SLC28A2: variants seen among roughly 807,000 people sequenced by gnomAD.
SLC28A2 encodes the protein solute carrier family 28 member 2.
SLC28A2 carries 69 observed loss-of-function variants against 72.9 expected under a neutral mutation model. That is an observed-to-expected ratio of 0.95 (90% confidence interval 0.78 to 1.16). The LOEUF (loss-of-function observed/expected upper bound fraction) is 1.16. Among genes scored for constraint, SLC28A2 ranks in the 50% most tolerant of loss-of-function variants. The pLI is 0.00. For synonymous variants in SLC28A2, 296 were observed against 294.1 expected, an observed-to-expected ratio of 1.01 and a Z score of -0.07; for missense variants, 745 against 791.1, an observed-to-expected ratio of 0.94 and a Z score of 0.70.
At chr15:45,265,508 A>C in intron 8 of SLC28A2, 75 bp from the exon 9 acceptor site, 4 of 1,024,564 alleles carry the variant, frequency 3.9e-6, no homozygotes, top group South Asian at 1.3e-5. Flanking sequence ...TGGAATGCTA[A>C]GAGCTTAACT....
chr15:45,256,822 T>G (rs1899993168), intron 3 of SLC28A2, among the ~76,000 whole-genome samples: 1 of 152,184 alleles, frequency 6.6e-6, no homozygotes, highest in Admixed American at 6.5e-5. Context: ...CCCCACCTCC[T>G]GCCAATCTAT....
intron 10 of SLC28A2, among the ~76,000 whole-genome samples, chr15:45,266,684 G>A (rs561049835): frequency 4.9e-4 from 75 of 152,292 alleles, no homozygotes; most frequent in African/African-American, 1.5e-3. Flanking sequence ...TGTCACATTC[G>A]CAGGGAGTTA....
At chr15:45,256,594 A>C (rs996426474) in intron 3 of SLC28A2, among the ~76,000 whole-genome samples, 5 of 151,326 alleles carry the variant, frequency 3.3e-5, no homozygotes, top group African/African-American at 1.2e-4. Flanking sequence ...TTTTTAGTAG[A>C]GATGGTGTTT....
intron 15 of SLC28A2, among the ~76,000 whole-genome samples, chr15:45,270,515 A>C (rs1268324444): frequency 6.6e-6 from 1 of 152,212 alleles, no homozygotes; most frequent in Non-Finnish European, 1.5e-5. Context: ...TGGAGGCCCC[A>C]AAAACTAATT....
In SLC28A2 at chr15:45,267,767, G is replaced by C. The variant is rs759432504; in HGVS notation, c.1170G>C (p.Lys390Asn). Residue 390 changes from lysine to asparagine, a missense_variant, in exon 12 of 18, where the codon AAG becomes AAC. By Grantham distance (94) the Lys-to-Asn change is moderately conservative. Transcript: ENST00000347644. The part of the protein sequence containing the change: ...AYPEVEESKF[K>N]SEEGVKLPRG... ...CGGAAGTGGAGGAGTCCAAGTTCAA[G>C]AGTGAGGAGGGGGTAAAGCTGCCCC... 6.2e-7 allele frequency: 1 copy of C among 1,614,118 alleles called. No homozygotes were observed. Among genetic ancestry groups the C allele is most frequent in the Non-Finnish European group, 8.5e-7 (1 of 1,180,012 alleles).
chr15:45,269,739 C>A (rs1286305151), intron 14 of SLC28A2, among the ~76,000 whole-genome samples: 1 of 152,128 alleles, frequency 6.6e-6, no homozygotes, highest in Non-Finnish European at 1.5e-5. Context: ...TGCTATTTTC[C>A]CCCTGCCACC....
chr15:45,277,116 G>A lies in SLC28A2; in HGVS notation c.*1603G>A, dbSNP rs891632388. On this transcript the variant is annotated 3_prime_UTR_variant, in exon 18 of 18. Coordinates refer to ENST00000347644, the MANE Select transcript of SLC28A2 (RefSeq NM_004212.4). Reference sequence around the variant, plus strand: ...GCTACTAAAATTCCTATAACCAAAGGTCAGCTCTCCCACAACGAAGAATTA... The same window carrying A: ...GCTACTAAAATTCCTATAACCAAAGATCAGCTCTCCCACAACGAAGAATTA... 10 of 151,838 alleles carry A rather than the reference G, an allele frequency of 6.6e-5. No individual in the cohort carries two copies. The highest frequency in any genetic ancestry group is 2.2e-4 in the African/African-American group (9 of 41,320). The allele number at this position is 151,838 out of a possible 1,614,324, so 9.4% of individuals were successfully genotyped here. A position where few individuals can be genotyped will look rare whatever the true frequency, so the allele number is the denominator to read the frequency against.
At chr15:45,256,049 T>G (rs1193903169) in intron 3 of SLC28A2, 1 of 152,202 alleles carries the variant, frequency 6.6e-6, no homozygotes. Context: ...CTTGGTAATT[T>G]TTTTTTGCCA....
At chr15:45,259,116 C>A (rs1427836087) in intron 3 of SLC28A2, among the ~76,000 whole-genome samples, 2 of 151,992 alleles carry the variant, frequency 1.3e-5, no homozygotes, top group Non-Finnish European at 2.9e-5. Context: ...CTGTTCAGGT[C>A]TTTAATTGGC....
intron 17 of SLC28A2, among the ~76,000 whole-genome samples, 159 bp from the exon 18 acceptor site, chr15:45,275,237 T>A (rs1900714303): frequency 6.6e-6 from 1 of 152,204 alleles, no homozygotes; most frequent in African/African-American, 2.4e-5. Context: ...TGGGAATGAA[T>A]GAGAAAAGAA....
intron 9 of SLC28A2, 22 bp downstream of exon 9, chr15:45,265,685 G>T: frequency 6.6e-7 from 1 of 1,512,558 alleles, no homozygotes; most frequent in Non-Finnish European, 9.2e-7. Flanking sequence ...TCTTACACCA[G>T]TCAGGAGACA....
At chr15:45,263,749 C>A in intron 5 of SLC28A2, 132 bp from the exon 6 acceptor site, 1 of 803,248 alleles carries the variant, frequency 1.2e-6, no homozygotes, top group Non-Finnish European at 1.9e-6. Context: ...ACAGCAGCCA[C>A]AGCTCTAACA....
chr15:45,253,882 C>T (rs149699656), intron 3 of SLC28A2: 794 of 157,276 alleles, frequency 5.0e-3, no homozygotes, highest in Non-Finnish European at 7.9e-3. Context: ...ATTAAAAAAA[C>T]AGTAGCTCTT....
At chr15:45,256,640 C>A (rs1899988421) in intron 3 of SLC28A2, among the ~76,000 whole-genome samples, 1 of 151,998 alleles carries the variant, frequency 6.6e-6, no homozygotes, top group Admixed American at 6.6e-5. Flanking sequence ...AACTCCTGAC[C>A]TCAGGTGATC....
At position 45,252,283 on chromosome 15, in the gene SLC28A2, G is replaced by A. The variant is rs773847268; in HGVS notation, c.-17+5G>A. On this transcript the variant is annotated splice_donor_5th_base_variant and intron_variant, in intron 1 of 17. Transcript: ENST00000347644. ...GAATCAATTCCACAAGCTGGGGTAAGTAAAGGTGTTTGGGGGAGGGCAGGT... is the reference window on the plus strand; with the variant it reads ...GAATCAATTCCACAAGCTGGGGTAAATAAAGGTGTTTGGGGGAGGGCAGGT... 1 of 455,990 alleles carries A rather than the reference G, an allele frequency of 2.2e-6. No homozygotes were observed. The allele number at this position is 455,990 out of a possible 1,614,324, so 28.2% of individuals were successfully genotyped here. A position where few individuals can be genotyped will look rare whatever the true frequency, so the allele number is the denominator to read the frequency against.
intron 3 of SLC28A2, among the ~76,000 whole-genome samples, chr15:45,258,658 A>G (rs1240494253): frequency 6.6e-6 from 1 of 152,204 alleles, no homozygotes; most frequent in Non-Finnish European, 1.5e-5. Flanking sequence ...ATTCTTCCAT[A>G]TTATTGCATA....
At position 45,267,744 on chromosome 15, in the gene SLC28A2, G is replaced by C; in HGVS notation, c.1147G>C (p.Glu383Gln). Residue 383 changes from glutamate (E) to glutamine (Q), a missense_variant, in exon 12 of 18, where the codon GAA (glutamate) becomes CAA (glutamine). Physicochemically the swap from Glu to Gln is conservative, Grantham distance 29. Transcript: ENST00000347644. Reference sequence around the variant, plus strand: ...CGCCTCATCAAAGCTAGCGTATCCGGAAGTGGAGGAGTCCAAGTTCAAGAG... The same window carrying C: ...CGCCTCATCAAAGCTAGCGTATCCGCAAGTGGAGGAGTCCAAGTTCAAGAG... Reference protein sequence around the residue: ...ALASSKLAYPEVEESKFKSEE... With the variant: ...ALASSKLAYPQVEESKFKSEE... 1 of 1,614,088 alleles carries C rather than the reference G, an allele frequency of 6.2e-7. No homozygotes were observed. The highest frequency in any genetic ancestry group is 8.5e-7 in the Non-Finnish European group (1 of 1,180,000).
intron 15 of SLC28A2, among the ~76,000 whole-genome samples, chr15:45,271,532 G>A (rs1356292765): frequency 1.3e-5 from 2 of 150,814 alleles, no homozygotes; most frequent in African/African-American, 2.5e-5. Flanking sequence ...ACTGCACTCC[G>A]GCATGGGTGA....
intron 5 of SLC28A2, 102 bp downstream of exon 5, chr15:45,263,346 GCTTTTCAGAAC>G (rs1900223738): frequency 1.7e-6 from 2 of 1,151,174 alleles, no homozygotes; most frequent in South Asian, 3.2e-5. Context: ...CTGCACATAG[GCTTTTCAGAAC>G]CAAAGCGCAG....
Sources: allele counts gnomAD v4.1 joint callset (sites outside exome capture counted in the v4.1 genomes callset), GRCh38; gene constraint gnomAD v4.1.1; transcripts MANE v1.5; gene names NCBI Gene and HGNC (gene_info 2026-07-23, HGNC 2026-07-21).